Variants in OCA2 observed in about 807,000 individuals in gnomAD.
OCA2 encodes P protein.
OCA2 carries 77 observed loss-of-function variants against 100.2 expected under a neutral mutation model. The ratio of observed to expected loss-of-function variants is 0.77; its 90% CI spans 0.64 to 0.93. OCA2 has a LOEUF of 0.93. OCA2 is among the 40% of genes least tolerant of loss of function. The pLI, the probability that OCA2 is intolerant of heterozygous loss-of-function variation, is 0.00. For missense variants in OCA2, 1,062 were observed against 1,089.1 expected (o/e 0.98, Z 0.35); for synonymous variants, 432 against 439.2 (o/e 0.98, Z 0.21).
chr15:27,990,599 C>T lies in OCA2; in HGVS notation c.1093G>A (p.Ala365Thr). The T allele has an allele frequency of 6.2e-7, 1 of 1,614,046 alleles. No homozygotes were observed. The highest frequency in any genetic ancestry group is 8.5e-7 in the Non-Finnish European group (1 of 1,180,018). The change falls in exon 10 of 24, where the codon GCA becomes ACA. Residue 365 changes from alanine (A) to threonine (T), a missense_variant. Ala to Thr is a moderately conservative substitution (Grantham distance 58). Transcript: ENST00000354638. ...ACATCGCCAATCACAGCCAGTGCTG[C>T]CAGTGCTGCAAGGGAACCCAGCATG... ...AAMLGSLAAL[A>T]ALAVIGDRPS...
chr15:27,792,238 CCTTT>C (rs1264150212), intron 23 of OCA2, among the ~76,000 whole-genome samples: 1 of 152,100 alleles, frequency 6.6e-6, no homozygotes, highest in Non-Finnish European at 1.5e-5. Context: ...CTCTTGCCTG[CCTTT>C]CTTCCTTCCT....
chr15:27,964,419 C>T (rs1459791938), intron 15 of OCA2, among the ~76,000 whole-genome samples: 3 of 152,212 alleles, frequency 2.0e-5, no homozygotes, highest in African/African-American at 7.2e-5. Context: ...ATGCTCTCTC[C>T]CATTCTGAGC....
At chr15:27,735,259 A>G in the OCA2 span, among the ~76,000 whole-genome samples, 2 of 152,336 alleles carry the variant, frequency 1.3e-5, no homozygotes, top group East Asian at 1.9e-4. Context: ...GGAATTGACC[A>G]AACAGAAGAA....
rs1322260893 is a variant in OCA2, at chr15:27,955,158, C to CT, written c.1841dup (p.His615AlafsTer2). On this transcript the variant is annotated frameshift_variant and splice_region_variant, in exon 17 of 24. Coordinates refer to ENST00000354638, the MANE Select transcript of OCA2 (RefSeq NM_000275.3). LOFTEE classifies it high-confidence loss of function. ...TCCCTGAGGAAAGAAAGCTGGGTAC[C>CT]TTTTTTTGGAGTTCTTGGATATTGG... 3.7e-6 allele frequency: 6 copies of CT among 1,608,248 alleles called. No individual in the cohort carries two copies. The African/African-American group carries it at 5.3e-5, about 14-fold the overall frequency.
intron 2 of OCA2, among the ~76,000 whole-genome samples, chr15:28,063,706 C>T (rs2043943297): frequency 6.6e-6 from 1 of 152,094 alleles, no homozygotes; most frequent in African/African-American, 2.4e-5. Context: ...TTCCTCTCAC[C>T]TGTTTGTTCT....
At chr15:28,035,162 G>C (rs2043013109) in intron 2 of OCA2, among the ~76,000 whole-genome samples, 3 of 152,142 alleles carry the variant, frequency 2.0e-5, no homozygotes, top group South Asian at 4.1e-4. Context: ...ACATCTGGCT[G>C]ATTTTTATTA....
intron 23 of OCA2, among the ~76,000 whole-genome samples, chr15:27,810,770 A>C (rs1205182672): frequency 1.3e-5 from 2 of 152,238 alleles, no homozygotes; most frequent in African/African-American, 2.4e-5. Flanking sequence ...CATACGAAAA[A>C]ATGCCAACAT....
intron 23 of OCA2, among the ~76,000 whole-genome samples, chr15:27,791,220 G>T (rs1350210186): frequency 6.6e-6 from 1 of 152,122 alleles, no homozygotes; most frequent in African/African-American, 2.4e-5. Flanking sequence ...ACATGTCCAT[G>T]AGTATATGCC....
chr15:28,070,506 C>T (rs1328954259), intron 2 of OCA2, among the ~76,000 whole-genome samples: 6 of 133,538 alleles, frequency 4.5e-5, no homozygotes, highest in African/African-American at 6.5e-5. Context: ...GTCAGCCCCC[C>T]GCCTGGCCAG....
intron 23 of OCA2, among the ~76,000 whole-genome samples, chr15:27,811,389 T>C (rs1035788122): frequency 3.3e-5 from 5 of 151,998 alleles, no homozygotes; most frequent in Admixed American, 1.3e-4. Flanking sequence ...AGGTGTGACA[T>C]AAAAAATTAC....
At chr15:28,084,100 C>A (rs1385352834) in intron 1 of OCA2, among the ~76,000 whole-genome samples, 1 of 152,126 alleles carries the variant, frequency 6.6e-6, no homozygotes, top group Non-Finnish European at 1.5e-5. Flanking sequence ...AGCTCCAGAC[C>A]CTTCTGAGAG....
In OCA2 at chr15:28,092,152, A is replaced by C. The variant is rs1173402412; in HGVS notation, c.-22+7072T>G. 3.3e-5 allele frequency among the ~76,000 whole-genome samples: 5 copies of C among 152,214 alleles called. No homozygotes were observed. In the East Asian group the frequency reaches 9.6e-4, roughly 29 times the overall value. ...ATATTGCCTGACTCCATGTATATAT[A>C]AAATCTTCAGAACAGGTAAATCCAT... On this transcript the variant is annotated intron_variant, in intron 1 of 23. Coordinates refer to ENST00000354638, the MANE Select transcript of OCA2 (RefSeq NM_000275.3).
At chr15:27,730,551 C>A in the OCA2 span, among the ~76,000 whole-genome samples, 1 of 151,484 alleles carries the variant, frequency 6.6e-6, no homozygotes, top group Non-Finnish European at 1.5e-5. Context: ...AGGTTGGGGG[C>A]TGGACTAAAA....
the OCA2 span, among the ~76,000 whole-genome samples, chr15:27,731,937 AG>A: frequency 1.2e-4 from 18 of 152,348 alleles, no homozygotes; most frequent in African/African-American, 3.4e-4. Flanking sequence ...TACTGCCAAG[AG>A]GCTTAATCAC....
At chr15:27,779,606 A>C (rs1045746811) in intron 23 of OCA2, among the ~76,000 whole-genome samples, 8 of 152,174 alleles carry the variant, frequency 5.3e-5, no homozygotes, top group African/African-American at 1.7e-4. Flanking sequence ...TACCATTTGC[A>C]CAGAATATCT....
intron 19 of OCA2, among the ~76,000 whole-genome samples, chr15:27,894,758 T>C (rs997805305): frequency 3.3e-5 from 5 of 152,180 alleles, no homozygotes; most frequent in African/African-American, 4.8e-5. Context: ...GGGCCTTTCA[T>C]CCAAATGATG....
the OCA2 span, among the ~76,000 whole-genome samples, chr15:27,719,091 C>T: frequency 6.6e-6 from 1 of 152,224 alleles, no homozygotes; most frequent in East Asian, 1.9e-4. Flanking sequence ...TGGGATTTAA[C>T]TAGAGGGCTA....
intron 18 of OCA2, among the ~76,000 whole-genome samples, chr15:27,930,375 GA>G (rs1405982909): frequency 1.3e-5 from 2 of 152,070 alleles, no homozygotes; most frequent in East Asian, 1.9e-4. Flanking sequence ...TATGCTGAAT[GA>G]AAGAAGCCAG....
intron 1 of OCA2, among the ~76,000 whole-genome samples, chr15:28,089,981 G>A (rs1227827691): frequency 6.6e-6 from 1 of 152,152 alleles, no homozygotes; most frequent in Non-Finnish European, 1.5e-5. Flanking sequence ...AATATAGGTA[G>A]GGTGCAAGTA....
Sources: gnomAD v4.1 joint callset for allele counts (sites outside exome capture counted in the v4.1 genomes callset) on GRCh38, gnomAD v4.1.1 for gene constraint, MANE v1.5 for transcripts, NCBI Gene and HGNC (gene_info 2026-07-23, HGNC 2026-07-21) for gene names.